MFAP3L: variants seen among roughly 807,000 people sequenced by gnomAD.
MFAP3L encodes microfibril associated protein 3 like, also known as microfibrillar-associated protein 3-like.
A neutral mutation model predicts 20.0 loss-of-function variants in MFAP3L; 5 were observed. The ratio of observed to expected loss-of-function variants is 0.25; its 90% confidence interval spans 0.13 to 0.53. The LOEUF is 0.53. Ranked by LOEUF, MFAP3L falls within the 20% of genes least tolerant of loss-of-function variation. MFAP3L has a pLI of 0.96. For synonymous variants in MFAP3L, 219 were observed against 213.0 expected (o/e 1.03, Z -0.25); for missense variants, 409 against 527.5 (o/e 0.78, Z 2.20).
intron 2 of MFAP3L, chr4:169,994,506 C>T: frequency 1.0e-6 from 1 of 975,312 alleles, no homozygotes; most frequent in Non-Finnish European, 1.2e-6. Context: ...GTTACAACAT[C>T]CCAATGCTTT....
At chr4:169,994,182 G>A in intron 2 of MFAP3L, 1 of 985,362 alleles carries the variant, frequency 1.0e-6, no homozygotes, top group Non-Finnish European at 1.2e-6. Context: ...TATGCTTGTA[G>A]TTTCTCATAT....
upstream of MFAP3L, chr4:170,026,949 C>T (rs1245312346): frequency 1.3e-5 from 2 of 152,206 alleles, no homozygotes; most frequent in Admixed American, 6.5e-5. Flanking sequence ...CGCTGTAAGT[C>T]TTAAACGTCT....
chr4:170,019,334 G>A (rs1739888418), intron 1 of MFAP3L, among the ~76,000 whole-genome samples: 1 of 152,150 alleles, frequency 6.6e-6, no homozygotes, highest in South Asian at 2.1e-4. Flanking sequence ...ATAGCTTGAG[G>A]CCAGGAGTTT....
rs370237638 is a variant in MFAP3L, at chr4:170,008,910, G to A, written c.-133-2900C>T. On this transcript the variant is annotated intron_variant, in intron 1 of 2. Transcript: ENST00000361618. ...CTTATTGCTAGGCACCCATAATCAC[G>A]TTTACACACTTGCTGTATGAAGCCA... 3.9e-5 allele frequency among the ~76,000 whole-genome samples: 6 copies of A among 152,230 alleles called. No homozygotes were observed. In the East Asian group the frequency reaches 7.7e-4, roughly 20 times the overall value.
At chr4:169,995,270 T>C (rs1454285141) in intron 2 of MFAP3L, among the ~76,000 whole-genome samples, 7 of 152,156 alleles carry the variant, frequency 4.6e-5, no homozygotes, top group Non-Finnish European at 8.8e-5. Flanking sequence ...AAGACTATCA[T>C]AGAAGAGAAC....
rs369078007 is a variant in MFAP3L, at chr4:170,020,662, G to A, written c.-134+5572C>T. 2.6e-5 allele frequency among the ~76,000 whole-genome samples: 3 copies of A among 116,920 alleles called. No individual in the cohort carries two copies. In the South Asian group the frequency reaches 8.3e-4, roughly 32 times the overall value. 76.7% of individuals were successfully genotyped at this position (116,920 alleles called of 152,430 possible). On this transcript the variant is annotated intron_variant, in intron 1 of 2. Coordinates refer to ENST00000361618, the MANE Select transcript of MFAP3L (RefSeq NM_021647.8). The stretch of plus-strand genomic sequence containing the variant: ...ATTCCCCTCCCTGACTGCATCTCTG[G>A]AGCCTCCTCCTCCCATCTCCCCAAC...
Position 169,992,128 on chromosome 4 carries a change from G to T in MFAP3L, c.480C>A (p.Ala160=), listed in dbSNP as rs1339959930. The T allele has an allele frequency of 1.2e-6, 2 of 1,614,028 alleles. No individual in the cohort carries two copies. Among genetic ancestry groups the T allele is most frequent in the African/African-American group, 1.3e-5 (1 of 74,906 alleles). The change falls in exon 3 of 3, where the codon GCC becomes GCA. Residue 160 remains alanine (A), a synonymous_variant. Transcript: ENST00000361618. This position sits in a 1 kb window ranked among gnomAD's most constrained non-coding sequence, Gnocchi z 4.3. The part of the protein sequence containing the change: ...GVYYMVVCLV[A]FTIVMVLNIT... ...TATTGAGGACCATGACGATGGTGAA[G>T]GCCACCAGGCACACGACCATGTAGT...
Position 169,990,954 on chromosome 4 carries a change from CTG to C in MFAP3L, c.*422_*423del, listed in dbSNP as rs1737615660. On this transcript the variant is annotated 3_prime_UTR_variant, in exon 3 of 3. Coordinates refer to ENST00000361618, the MANE Select transcript of MFAP3L (RefSeq NM_021647.8). ...AAGCAAAATTAAAACTGAGAAGAAA[CTG>C]CAAAAAACCCACGTACGTGCATTTG... 1.2e-5 allele frequency: 2 copies of C among 167,506 alleles called. No individual in the cohort carries two copies. Among genetic ancestry groups the C allele is most frequent in the South Asian group, 3.6e-4 (2 of 5,630 alleles). 10.4% of individuals were successfully genotyped at this position (167,506 alleles called of 1,614,324 possible). A position where few individuals can be genotyped will look rare whatever the true frequency, so the allele number is the denominator to read the frequency against.
chr4:170,022,782 TGGGGGTG>T (rs1190542162), intron 1 of MFAP3L, among the ~76,000 whole-genome samples: 5 of 152,034 alleles, frequency 3.3e-5, no homozygotes, highest in Admixed American at 3.3e-4. Context: ...AAACAAGGAA[TGGGGGTG>T]GCCTCTAGAA....
Position 169,987,507 on chromosome 4 carries a change from A to G in MFAP3L, c.*3871T>C, listed in dbSNP as rs910755932. On this transcript the variant is annotated 3_prime_UTR_variant, in exon 3 of 3. Transcript: ENST00000361618. ...AACACTGAAAGGAAATCCCCAGTTA[A>G]AAGAACCACAGTGACTGCCACTGAA... The G allele has an allele frequency of 3.9e-5, 6 of 152,196 alleles. No homozygotes were observed. Among genetic ancestry groups the G allele is most frequent in the African/African-American group, 1.4e-4 (6 of 41,452 alleles). The allele number at this position is 152,196 out of a possible 1,614,324, so 9.4% of individuals were successfully genotyped here. A position where few individuals can be genotyped will look rare whatever the true frequency, so the allele number is the denominator to read the frequency against.
At chr4:170,022,644 A>C (rs879546952) in intron 1 of MFAP3L, among the ~76,000 whole-genome samples, 9 of 152,216 alleles carry the variant, frequency 5.9e-5, no homozygotes, top group Non-Finnish European at 1.3e-4. Flanking sequence ...GCCATCATTC[A>C]GGTGGGCCCA....
At chr4:170,010,685 T>C (rs978742419) in intron 1 of MFAP3L, among the ~76,000 whole-genome samples, 5 of 152,190 alleles carry the variant, frequency 3.3e-5, no homozygotes, top group Non-Finnish European at 5.9e-5. Flanking sequence ...ATAATACACA[T>C]AGCATACAAA....
chr4:170,026,936 C>G (rs1273474466), upstream of MFAP3L: 1 of 152,200 alleles, frequency 6.6e-6, no homozygotes, highest in Non-Finnish European at 1.5e-5. Flanking sequence ...TCCCGGGCGA[C>G]TGCGCTGTAA....
At chr4:170,004,217 A>G (rs971518183) in intron 2 of MFAP3L, among the ~76,000 whole-genome samples, 8 of 152,212 alleles carry the variant, frequency 5.3e-5, no homozygotes, top group African/African-American at 1.9e-4. Flanking sequence ...TTGGCCTCCC[A>G]AAGTGCTGGG....
intron 1 of MFAP3L, among the ~76,000 whole-genome samples, chr4:170,014,310 A>G (rs1297225882): frequency 6.6e-6 from 1 of 152,158 alleles, no homozygotes; most frequent in African/African-American, 2.4e-5. Context: ...CCAGCTTTCA[A>G]TTGTTTTTAT....
chr4:169,997,066 GACC>G (rs59639064), intron 2 of MFAP3L, among the ~76,000 whole-genome samples: 12,049 of 152,198 alleles, frequency 0.079, 773 homozygotes, highest in African/African-American at 0.18. Context: ...TAAAGATGAA[GACC>G]ACAGCATTTC....
chr4:170,014,610 T>C (rs535558402), intron 1 of MFAP3L, among the ~76,000 whole-genome samples: 1 of 152,216 alleles, frequency 6.6e-6, no homozygotes. Context: ...ACATTGTCTA[T>C]AAATCAGAGG....
chr4:170,026,179 G>A (rs922108059), intron 1 of MFAP3L, 55 bp downstream of exon 1: 1 of 961,546 alleles, frequency 1.0e-6, no homozygotes, highest in African/African-American at 1.8e-5. Flanking sequence ...ACCCGGTGCG[G>A]GGCTGGCTCC....
In MFAP3L at chr4:169,990,708, T is replaced by A. The variant is rs1044334894; in HGVS notation, c.*670A>T. ...GGAAACAAACAAAAAAAGCTATCTA[T>A]GGAAATAGGCCTGGGGAATGAAAAA... is the stretch of plus-strand genomic sequence containing the variant. On this transcript the variant is annotated 3_prime_UTR_variant, in exon 3 of 3. Coordinates refer to ENST00000361618, the MANE Select transcript of MFAP3L (RefSeq NM_021647.8). The A allele has an allele frequency of 1.3e-5, 2 of 152,502 alleles. No individual in the cohort carries two copies. The highest frequency in any genetic ancestry group is 2.9e-5 in the Non-Finnish European group (2 of 68,030). The allele number at this position is 152,502 out of a possible 1,614,324, so 9.4% of individuals were successfully genotyped here. A position where few individuals can be genotyped will look rare whatever the true frequency, so the allele number is the denominator to read the frequency against.
Sources: gnomAD v4.1 joint callset for allele counts (sites outside exome capture counted in the v4.1 genomes callset) on GRCh38, gnomAD v4.1.1 for gene constraint, Gnocchi (gnomAD v3.1) non-coding constraint, MANE v1.5 for transcripts, NCBI Gene and HGNC (gene_info 2026-07-23, HGNC 2026-07-21) for gene names.